ZNF578: variants seen among roughly 807,000 people sequenced by gnomAD.
ZNF578 encodes the protein zinc finger protein 578.
In ZNF578, 8 loss-of-function variants were observed where a neutral mutation model predicts 8.3. The ratio of observed to expected loss-of-function variants is 0.96; its 90% CI spans 0.56 to 1.74. The LOEUF is 1.74. ZNF578 is among the 40% of genes most tolerant of loss of function. The pLI is 0.00. For synonymous variants in ZNF578, 206 were observed against 232.2 expected (o/e 0.89, Z 1.03); for missense variants, 726 against 707.5 (o/e 1.03, Z -0.30).
At chr19:52,482,632 C>A (rs1426255358) in intron 2 of ZNF578, among the ~76,000 whole-genome samples, 2 of 150,836 alleles carry the variant, frequency 1.3e-5, no homozygotes, top group Non-Finnish European at 3.0e-5. Flanking sequence ...AGCTAGACTG[C>A]ATTGAAAAAA....
At chr19:52,462,991 C>T (rs2059263456) in intron 2 of ZNF578, among the ~76,000 whole-genome samples, 1 of 152,166 alleles carries the variant, frequency 6.6e-6, no homozygotes, top group East Asian at 1.9e-4. Context: ...CTGTAGTAAC[C>T]TGATCCTGGG....
chr19:52,510,100 GA>G (rs2059439236), intron 5 of ZNF578, among the ~76,000 whole-genome samples: 2 of 151,438 alleles, frequency 1.3e-5, no homozygotes, highest in Admixed American at 6.6e-5. Context: ...TGATAATACA[GA>G]ATTTCCATTG....
intron 1 of ZNF578, chr19:52,455,358 C>T (rs894757287): frequency 6.6e-6 from 1 of 152,204 alleles, no homozygotes; most frequent in Non-Finnish European, 1.5e-5. Flanking sequence ...TGCTACCACA[C>T]CCAGCTACTT....
At chr19:52,494,657 T>C (rs2059379345) in intron 3 of ZNF578, among the ~76,000 whole-genome samples, 1 of 152,194 alleles carries the variant, frequency 6.6e-6, no homozygotes, top group African/African-American at 2.4e-5. Flanking sequence ...GTGAGTCATG[T>C]ACATTCTATA....
At chr19:52,501,715 C>T (rs1485550478) in intron 3 of ZNF578, 112 bp from the exon 4 acceptor site, 4 of 1,020,946 alleles carry the variant, frequency 3.9e-6, no homozygotes, top group Non-Finnish European at 5.7e-6. Flanking sequence ...GTGCAGTGGG[C>T]AGTGGGGGGG....
chr19:52,475,818 A>C (rs991778432), intron 2 of ZNF578, among the ~76,000 whole-genome samples: 1 of 152,196 alleles, frequency 6.6e-6, no homozygotes, highest in South Asian at 2.1e-4. Context: ...AGCTATTTTG[A>C]GATTCCATTT....
intron 2 of ZNF578, among the ~76,000 whole-genome samples, chr19:52,491,067 T>C (rs2059363462): frequency 6.6e-6 from 1 of 152,162 alleles, no homozygotes; most frequent in Non-Finnish European, 1.5e-5. Flanking sequence ...CACTCCTGAC[T>C]TTAGGCTTAC....
At position 52,492,495 on chromosome 19, in the gene ZNF578, C is replaced by A. The variant is rs141947202; in HGVS notation, c.-20+1070C>A. Among the ~76,000 whole-genome samples, 736 of 152,334 alleles carry A rather than the reference C, an allele frequency of 4.8e-3. 6 individuals are homozygous for A. The highest frequency in any genetic ancestry group is 0.016 in the African/African-American group (682 of 41,584). On this transcript the variant is annotated intron_variant, in intron 3 of 5. Transcript: ENST00000421239. ...AATAGAAAGAGAGAGGATTTCTGTT[C>A]TGTTCTGTGGGCCATCAGCATGAAA...
chr19:52,460,949 C>T (rs1346036140), intron 2 of ZNF578, among the ~76,000 whole-genome samples: 2 of 152,106 alleles, frequency 1.3e-5, no homozygotes, highest in African/African-American at 4.8e-5. Context: ...GGTGTCTGGT[C>T]TCTCTCCAGA....
intron 4 of ZNF578, among the ~76,000 whole-genome samples, chr19:52,504,188 TC>T (rs2059417407): frequency 6.6e-6 from 1 of 151,812 alleles, no homozygotes; most frequent in South Asian, 2.1e-4. Flanking sequence ...TCTCCTGACT[TC>T]AAGTGATTCT....
intron 2 of ZNF578, chr19:52,473,604 CAAGGTGTG>C (rs1243462652): frequency 1.1e-5 from 2 of 187,060 alleles, no homozygotes; most frequent in African/African-American, 4.7e-5. Flanking sequence ...TGATGTTTTG[CAAGGTGTG>C]AAATTTGATT....
chr19:52,499,844 C>G (rs112166278), intron 3 of ZNF578, among the ~76,000 whole-genome samples: 28,905 of 151,850 alleles, frequency 0.19, 2,963 homozygotes, highest in Non-Finnish European at 0.23. Flanking sequence ...TTTCAAAATG[C>G]TTTTGGGTTG....
In ZNF578 at chr19:52,471,954, G is replaced by A. The variant is rs1416477985; in HGVS notation, c.-122+14996G>A. 6.7e-5 allele frequency among the ~76,000 whole-genome samples: 8 copies of A among 119,952 alleles called. No homozygotes were observed. In the Admixed American group the frequency reaches 6.7e-4, roughly 10 times the overall value. The allele number at this position is 119,952 out of a possible 152,430, so 78.7% of individuals were successfully genotyped here. ...AGATTAATGTCACTAATACGAAAAA[G>A]ACATTATTACAGTATTTTTACCCTT... On this transcript the variant is annotated intron_variant, in intron 2 of 5. Transcript: ENST00000421239.
intron 5 of ZNF578, among the ~76,000 whole-genome samples, chr19:52,505,800 A>G (rs1221351436): frequency 6.6e-6 from 1 of 152,084 alleles, no homozygotes; most frequent in African/African-American, 2.4e-5. Flanking sequence ...GGTTTTCATC[A>G]ATCTTATTTA....
chr19:52,502,949 A>G (rs533364823), intron 4 of ZNF578, among the ~76,000 whole-genome samples: 2 of 152,132 alleles, frequency 1.3e-5, no homozygotes, highest in South Asian at 2.1e-4. Context: ...CTGGAGTGCA[A>G]TGTCAGGATC....
intron 3 of ZNF578, among the ~76,000 whole-genome samples, chr19:52,497,398 T>C (rs769290707): frequency 5.3e-5 from 8 of 152,182 alleles, no homozygotes; most frequent in Non-Finnish European, 1.2e-4. Context: ...TTTAGTATTT[T>C]TGGTAGAGAC....
At chr19:52,476,902 T>G (rs1673908) in intron 2 of ZNF578, among the ~76,000 whole-genome samples, 15,629 of 152,122 alleles carry the variant, frequency 0.1, 1,366 homozygotes, top group East Asian at 0.33. Context: ...TCTATTAGAG[T>G]TTATGGGTTG....
intron 2 of ZNF578, among the ~76,000 whole-genome samples, chr19:52,459,121 A>T (rs1262802041): frequency 6.6e-6 from 1 of 152,094 alleles, no homozygotes; most frequent in African/African-American, 2.4e-5. Context: ...GCTCTTTGTT[A>T]TGTCTTTTAG....
chr19:52,498,455 C>T (rs566083941), intron 3 of ZNF578, among the ~76,000 whole-genome samples: 27 of 151,908 alleles, frequency 1.8e-4, no homozygotes, highest in East Asian at 1.6e-3. Context: ...CCTCAGCCTC[C>T]GGAGTAGCTG....
Sources: gnomAD v4.1 joint callset for allele counts (sites outside exome capture counted in the v4.1 genomes callset) on GRCh38, gnomAD v4.1.1 for gene constraint, MANE v1.5 for transcripts, NCBI Gene and HGNC (gene_info 2026-07-23, HGNC 2026-07-21) for gene names.